Variants in NTRK2 observed in about 807,000 individuals in gnomAD.
NTRK2 encodes neurotrophic receptor tyrosine kinase 2.
Under a neutral mutation model 94.5 loss-of-function variants are expected in NTRK2, and 13 were observed. The ratio of observed to expected loss-of-function variants is 0.14; its 90% CI spans 0.09 to 0.22. The LOEUF is 0.22. NTRK2 is among the 10% of genes least tolerant of loss of function. NTRK2 has a pLI of 1.00. For missense variants in NTRK2, 639 were observed against 1,071.2 expected, an observed-to-expected ratio of 0.60 and a Z score of 5.63; for synonymous variants, 372 against 407.4, an observed-to-expected ratio of 0.91 and a Z score of 1.05.
chr9:84,705,428 C>T (rs1262384003), intron 4 of NTRK2, among the ~76,000 whole-genome samples: 1 of 152,162 alleles, frequency 6.6e-6, no homozygotes, highest in Non-Finnish European at 1.5e-5. Flanking sequence ...TTTTCCCTCC[C>T]CTCTTCCTCC....
At chr9:84,745,573 G>A (rs748970869) in intron 11 of NTRK2, among the ~76,000 whole-genome samples, 12 of 152,206 alleles carry the variant, frequency 7.9e-5, no homozygotes, top group Non-Finnish European at 1.6e-4. Context: ...GCAGAGCAAG[G>A]CAGTACAAGA....
At chr9:84,776,037 C>A (rs1235586424) in intron 12 of NTRK2, among the ~76,000 whole-genome samples, 1 of 151,888 alleles carries the variant, frequency 6.6e-6, no homozygotes, top group Non-Finnish European at 1.5e-5. Context: ...ATCTTAGAAA[C>A]TTCATTGTGG....
chr9:84,727,423 T>C (rs143809999), intron 8 of NTRK2, among the ~76,000 whole-genome samples: 27 of 152,320 alleles, frequency 1.8e-4, no homozygotes, highest in Non-Finnish European at 3.5e-4. Context: ...ATGACTGTAA[T>C]GCAGGGGTCT....
At chr9:84,971,160 G>A (rs942547836) in intron 17 of NTRK2, among the ~76,000 whole-genome samples, 2 of 152,134 alleles carry the variant, frequency 1.3e-5, no homozygotes, top group Non-Finnish European at 2.9e-5. Context: ...CATTCTTCTT[G>A]ATGGAACAGA....
At chr9:84,744,654 C>T (rs1363270277) in intron 10 of NTRK2, among the ~76,000 whole-genome samples, 2 of 152,196 alleles carry the variant, frequency 1.3e-5, no homozygotes, top group African/African-American at 4.8e-5. Flanking sequence ...GATTCCCTGT[C>T]GTACTTGTTT....
intron 12 of NTRK2, among the ~76,000 whole-genome samples, chr9:84,789,702 C>T (rs2068524661): frequency 6.6e-6 from 1 of 152,142 alleles, no homozygotes. Flanking sequence ...CAGCCTTATC[C>T]ATTCTCCCTT....
intron 12 of NTRK2, among the ~76,000 whole-genome samples, chr9:84,793,687 T>C (rs2068965258): frequency 1.3e-5 from 2 of 152,222 alleles, no homozygotes; most frequent in Admixed American, 6.5e-5. Context: ...GCTATTTTAA[T>C]GAGAAAGAAT....
intron 12 of NTRK2, among the ~76,000 whole-genome samples, chr9:84,818,683 G>A (rs770545037): frequency 1.8e-4 from 27 of 152,166 alleles, no homozygotes; most frequent in Non-Finnish European, 3.7e-4. Context: ...TTGCCTTCAG[G>A]TGAATTTTCT....
chr9:84,890,557 C>A (rs932905823), intron 14 of NTRK2, among the ~76,000 whole-genome samples: 8 of 152,106 alleles, frequency 5.3e-5, no homozygotes. Flanking sequence ...TATAGCTGAC[C>A]ATTTGAATGA....
intron 17 of NTRK2, among the ~76,000 whole-genome samples, chr9:84,966,725 C>T (rs1825602437): frequency 6.6e-6 from 1 of 152,168 alleles, no homozygotes; most frequent in South Asian, 2.1e-4. Context: ...GCCACTGCGC[C>T]CAGCCAGTGT....
At chr9:84,919,483 A>C (rs1471786121) in intron 14 of NTRK2, among the ~76,000 whole-genome samples, 3 of 152,190 alleles carry the variant, frequency 2.0e-5, no homozygotes. Flanking sequence ...CTGGCTCTTT[A>C]ACTGACAAGT....
chr9:84,922,067 G>A (rs2077584318), intron 14 of NTRK2, among the ~76,000 whole-genome samples: 2 of 152,232 alleles, frequency 1.3e-5, no homozygotes, highest in South Asian at 4.1e-4. Context: ...GTGAAGATAT[G>A]ACTTAGTGAT....
intron 14 of NTRK2, among the ~76,000 whole-genome samples, chr9:84,889,856 T>A (rs1313934165): frequency 3.9e-5 from 6 of 152,232 alleles, no homozygotes; most frequent in Non-Finnish European, 8.8e-5. Context: ...TCGAGACAGT[T>A]GCCTCATACT....
In NTRK2 at chr9:84,752,096, T is replaced by C. The variant is rs200921269; in HGVS notation, c.1396+11T>C. On this transcript the variant is annotated intron_variant, in intron 12 of 18. Transcript: ENST00000277120. ...AGTTTGGCATGAAAGGTAAGAAGGGTTGTGTTTATTTAGCTTCTTATGTGG... is the reference window on the plus strand; with the variant it reads ...AGTTTGGCATGAAAGGTAAGAAGGGCTGTGTTTATTTAGCTTCTTATGTGG... 1.7e-5 allele frequency: 28 copies of C among 1,602,706 alleles called. No individual in the cohort carries two copies. The highest frequency in any genetic ancestry group is 2.3e-5 in the Non-Finnish European group (27 of 1,169,940).
At chr9:84,984,689 T>G (rs1010435294) in intron 17 of NTRK2, among the ~76,000 whole-genome samples, 19 of 152,320 alleles carry the variant, frequency 1.2e-4, no homozygotes, top group African/African-American at 3.6e-4. Context: ...GAGCAAGTTC[T>G]CAGATTTTAA....
intron 6 of NTRK2, 111 bp from the exon 7 acceptor site, chr9:84,723,462 G>T: frequency 7.9e-7 from 1 of 1,260,862 alleles, no homozygotes; most frequent in Non-Finnish European, 1.1e-6. Flanking sequence ...GTCTCAAAAA[G>T]CAATTAAAGA....
chr9:84,727,108 A>G (rs2062518082), intron 8 of NTRK2, among the ~76,000 whole-genome samples: 1 of 152,192 alleles, frequency 6.6e-6, no homozygotes, highest in East Asian at 1.9e-4. Context: ...GATTTGTTAT[A>G]TTTATAATAA....
At chr9:84,706,720 C>T (rs544012190) in intron 4 of NTRK2, among the ~76,000 whole-genome samples, 5 of 151,448 alleles carry the variant, frequency 3.3e-5, no homozygotes, top group Admixed American at 2.0e-4. Flanking sequence ...TTAGTGGAGA[C>T]GGGGTTTCAC....
chr9:84,669,467 C>A (rs1054363411), upstream of NTRK2: 6 of 152,524 alleles, frequency 3.9e-5, no homozygotes, highest in African/African-American at 1.5e-4. The surrounding 1 kb of genome is among the most constrained non-coding windows in gnomAD (Gnocchi z 4.1). Flanking sequence ...CACACACACG[C>A]ACGCGCGTGC....
Sources: gnomAD v4.1 joint callset for allele counts (sites outside exome capture counted in the v4.1 genomes callset) on GRCh38, gnomAD v4.1.1 for gene constraint, Gnocchi (gnomAD v3.1) non-coding constraint, MANE v1.5 for transcripts, NCBI Gene and HGNC (gene_info 2026-07-23, HGNC 2026-07-21) for gene names.